The following ZSWIM5 variants were observed in gnomAD, a reference collection of about 807,000 sequenced individuals.
ZSWIM5 encodes the protein zinc finger SWIM domain-containing protein 5.
A neutral mutation model predicts 119.6 loss-of-function variants in ZSWIM5; 55 were observed. The ratio of observed to expected loss-of-function variants is 0.46; its 90% CI spans 0.37 to 0.58. ZSWIM5 has a LOEUF of 0.58. Among genes scored for constraint, ZSWIM5 ranks in the 20% least tolerant of loss-of-function variants. The pLI, the probability that ZSWIM5 is intolerant of heterozygous loss-of-function variation, is 0.00. For missense variants in ZSWIM5, 1,193 were observed against 1,512.8 expected (o/e 0.79, Z 3.51); for synonymous variants, 537 against 606.9 (o/e 0.88, Z 1.69).
chr1:45,120,455 T>C (rs1425795565), intron 1 of ZSWIM5, among the ~76,000 whole-genome samples: 2 of 150,952 alleles, frequency 1.3e-5, no homozygotes, highest in African/African-American at 4.9e-5. Context: ...CAGTTCTCTA[T>C]CTTACTCCAC....
intron 11 of ZSWIM5, among the ~76,000 whole-genome samples, chr1:45,030,978 T>C (rs570457515): frequency 1.3e-5 from 2 of 151,804 alleles, no homozygotes; most frequent in African/African-American, 4.8e-5. Flanking sequence ...TTGTATTTTT[T>C]AGTAGAGACA....
At position 45,196,034 on chromosome 1, in the gene ZSWIM5, GTTTTT is replaced by G. The variant is rs34236930; in HGVS notation, c.595+9717_595+9721del. ...AGGTGAGCACCGTTACACCCAGCTA[GTTTTT>G]TTTTTTTTTTTTTTTTTTTAAAGAT... is the stretch of plus-strand genomic sequence containing the variant. On this transcript the variant is annotated intron_variant, in intron 1 of 13. Transcript: ENST00000359600. Among the ~76,000 whole-genome samples the G allele has an allele frequency of 3.7e-4, 38 of 103,948 alleles. 1 individual carries two copies. The highest frequency in any genetic ancestry group is 1.2e-3 in the African/African-American group (34 of 28,194). The allele number at this position is 103,948 out of a possible 152,430, so 68.2% of individuals were successfully genotyped here.
chr1:45,185,273 G>A (rs4468202), intron 1 of ZSWIM5, among the ~76,000 whole-genome samples: 15,036 of 140,678 alleles, frequency 0.11, 732 homozygotes, highest in Non-Finnish European at 0.12. Flanking sequence ...AGACTTAAAT[G>A]TTAGACCTAA....
intron 2 of ZSWIM5, among the ~76,000 whole-genome samples, chr1:45,086,647 G>A (rs1645331659): frequency 6.6e-6 from 1 of 152,068 alleles, no homozygotes; most frequent in Admixed American, 6.6e-5. Flanking sequence ...GTGGAGGGCA[G>A]GGGAAGGATA....
intron 1 of ZSWIM5, among the ~76,000 whole-genome samples, chr1:45,201,329 T>C (rs1646156742): frequency 6.6e-6 from 1 of 152,220 alleles, no homozygotes; most frequent in South Asian, 2.1e-4. Context: ...ACAGCAGCCA[T>C]AGGAAACTAA....
At position 45,018,661 on chromosome 1, in the gene ZSWIM5, A is replaced by G. The variant is rs778737767; in HGVS notation, c.3351T>C (p.Asn1117=). The G allele has an allele frequency of 1.2e-6, 2 of 1,614,212 alleles. No individual in the cohort carries two copies. Among genetic ancestry groups the G allele is most frequent in the Non-Finnish European group, 1.7e-6 (2 of 1,180,052 alleles). The change falls in exon 14 of 14, where the codon AAT becomes AAC. Residue 1117 remains asparagine, a synonymous_variant. Transcript: ENST00000359600. This position sits in a 1 kb window ranked among gnomAD's most constrained non-coding sequence, Gnocchi z 6.7. ...GTGAGTGTGTAGTGTTGATATAGGC[A>G]TTGATGGTGGCATCCAGCAACTGGC... ...PLRQLLDATI[N]AYINTTHSRL... is the part of the protein sequence containing the mutation.
At chr1:45,100,265 G>C (rs1012477397) in intron 1 of ZSWIM5, among the ~76,000 whole-genome samples, 5 of 151,934 alleles carry the variant, frequency 3.3e-5, no homozygotes, top group Non-Finnish European at 2.9e-5. Context: ...CAGACAAACA[G>C]AGAGCCAAAT....
chr1:45,205,909 G>C lies in ZSWIM5; in HGVS notation c.442C>G (p.Pro148Ala). The C allele has an allele frequency of 9.5e-7, 1 of 1,055,552 alleles. No individual in the cohort carries two copies. Among genetic ancestry groups the C allele is most frequent in the Non-Finnish European group, 1.1e-6 (1 of 877,662 alleles). 65.4% of individuals were successfully genotyped at this position (1,055,552 alleles called of 1,614,324 possible). A position where few individuals can be genotyped will look rare whatever the true frequency, so the allele number is the denominator to read the frequency against. ...ACGCCCCCGGGGGCGGAGCCGGCCG[G>C]AGCGGCGGCCCCGGGGGGTGGCTGC... ...GPQPPPGAAA[P>A]AGSAPGGVAA... Residue 148 changes from proline to alanine, a missense_variant, in exon 1 of 14, where the codon CCG (proline) becomes GCG (alanine). Pro to Ala is a conservative substitution (Grantham distance 27, BLOSUM62 -1). Coordinates refer to ENST00000359600, the MANE Select transcript of ZSWIM5 (RefSeq NM_020883.2).
At chr1:45,074,213 G>T (rs1385688070) in intron 2 of ZSWIM5, among the ~76,000 whole-genome samples, 2 of 151,838 alleles carry the variant, frequency 1.3e-5, no homozygotes, top group Non-Finnish European at 1.5e-5. Context: ...ATATGTCTTT[G>T]TCTGGTTTTG....
intron 1 of ZSWIM5, among the ~76,000 whole-genome samples, chr1:45,167,410 T>A (rs1009385387): frequency 3.9e-5 from 6 of 151,948 alleles, no homozygotes; most frequent in African/African-American, 1.4e-4. Context: ...GACATAGGCA[T>A]GGGCAAGGAC....
At chr1:45,151,850 G>A (rs897437746) in intron 1 of ZSWIM5, among the ~76,000 whole-genome samples, 12 of 152,144 alleles carry the variant, frequency 7.9e-5, no homozygotes, top group African/African-American at 2.4e-4. Flanking sequence ...TAAGTTTGAC[G>A]TGAGTTTTGA....
At chr1:45,116,668 C>T (rs774606191) in intron 1 of ZSWIM5, among the ~76,000 whole-genome samples, 2 of 152,120 alleles carry the variant, frequency 1.3e-5, no homozygotes, top group Non-Finnish European at 2.9e-5. Flanking sequence ...AGTATAACCT[C>T]CGAAAATGAT....
At chr1:45,138,978 G>A (rs528281650) in intron 1 of ZSWIM5, among the ~76,000 whole-genome samples, 9 of 148,400 alleles carry the variant, frequency 6.1e-5, no homozygotes, top group South Asian at 2.1e-4. Flanking sequence ...TGCAACCTCC[G>A]CCTCCTGGGT....
intron 1 of ZSWIM5, among the ~76,000 whole-genome samples, chr1:45,107,322 A>G (rs1645487038): frequency 6.6e-6 from 1 of 152,134 alleles, no homozygotes; most frequent in African/African-American, 2.4e-5. Flanking sequence ...AAAATCTAAC[A>G]TGCATAAAAC....
intron 1 of ZSWIM5, among the ~76,000 whole-genome samples, chr1:45,166,076 C>A (rs1204025182): frequency 6.8e-6 from 1 of 146,340 alleles, no homozygotes; most frequent in African/African-American, 2.5e-5. Context: ...CAATAAAATA[C>A]TGGCAAACTG....
chr1:45,203,313 T>C (rs374980880), intron 1 of ZSWIM5, among the ~76,000 whole-genome samples: 3 of 152,062 alleles, frequency 2.0e-5, no homozygotes, highest in African/African-American at 7.2e-5. Flanking sequence ...AAGTTTTTGT[T>C]TGTTTTTAAT....
rs553548925 is a variant in ZSWIM5 at position 45,078,470 on chromosome 1, T to G, written c.952+9411A>C. Among the ~76,000 whole-genome samples, 4 of 152,334 alleles carry G rather than the reference T, an allele frequency of 2.6e-5. No individual in the cohort carries two copies. In the South Asian group the frequency reaches 8.3e-4, roughly 32 times the overall value. On this transcript the variant is annotated intron_variant, in intron 2 of 13. Transcript: ENST00000359600. The stretch of plus-strand genomic sequence containing the variant: ...TCTAGAACAAGATCTGGAAGAATTC[T>G]CTGGGCAACCACAGGCAGAGACTCT...
chr1:45,049,535 C>G (rs894422389), intron 5 of ZSWIM5, among the ~76,000 whole-genome samples: 2 of 152,068 alleles, frequency 1.3e-5, no homozygotes, highest in African/African-American at 4.8e-5. Context: ...ACTGCCAGAC[C>G]AGGCTGGTCG....
intron 2 of ZSWIM5, chr1:45,070,233 T>C: frequency 2.1e-6 from 3 of 1,459,930 alleles, no homozygotes; most frequent in Non-Finnish European, 2.9e-6. Flanking sequence ...CTGATGCCCA[T>C]GTTCATCAGT....
Sources: gnomAD v4.1 joint callset for allele counts (sites outside exome capture counted in the v4.1 genomes callset) on GRCh38, gnomAD v4.1.1 for gene constraint, Gnocchi (gnomAD v3.1) non-coding constraint, MANE v1.5 for transcripts, NCBI Gene and HGNC (gene_info 2026-07-23, HGNC 2026-07-21) for gene names.